Variants in DTL observed in about 807,000 individuals in gnomAD.
DTL encodes denticleless protein homolog.
Under a neutral mutation model 87.0 loss-of-function variants are expected in DTL, and 46 were observed. The observed-to-expected ratio is 0.53, with a 90% CI of 0.42 to 0.68. The LOEUF is 0.68. Among genes scored for constraint, DTL ranks in the 30% least tolerant of loss-of-function variants. The probability of loss-of-function intolerance (pLI) is 0.00; values close to 1 mark genes in which losing one functional copy is unlikely to be tolerated. For missense variants in DTL, 737 were observed against 869.4 expected, an observed-to-expected ratio of 0.85 and a Z score of 1.91; for synonymous variants, 308 against 311.2, an observed-to-expected ratio of 0.99 and a Z score of 0.11.
At chr1:212,088,522 C>G (rs1030433939) in intron 13 of DTL, among the ~76,000 whole-genome samples, 1 of 152,184 alleles carries the variant, frequency 6.6e-6, no homozygotes, top group Non-Finnish European at 1.5e-5. Context: ...CCTACTTCCC[C>G]TGTGAGAGGA....
chr1:212,047,167 G>T lies in DTL; in HGVS notation c.294G>T (p.Trp98Cys). The T allele has an allele frequency of 6.2e-7, 1 of 1,614,148 alleles. No homozygotes were observed. The change falls in exon 4 of 15, where the codon TGG becomes TGT. Residue 98 changes from tryptophan (W) to cysteine (C), a missense_variant. Coordinates refer to ENST00000366991, the MANE Select transcript of DTL (RefSeq NM_016448.4). ...TTTGTTTAGAATGGATGGCTCACTG[G>T]AATGCCGTCTTTGACCTGGCCTGGG... ...KKCFKEWMAH[W>C]NAVFDLAWVP...
intron 5 of DTL, among the ~76,000 whole-genome samples, chr1:212,058,767 A>T (rs1362779850): frequency 6.6e-6 from 1 of 152,056 alleles, no homozygotes; most frequent in East Asian, 1.9e-4. Flanking sequence ...TTTGGAAAAG[A>T]TAAACAAAAT....
chr1:212,036,105 C>G (rs1667445515), intron 1 of DTL, among the ~76,000 whole-genome samples, 163 bp downstream of exon 1: 1 of 152,160 alleles, frequency 6.6e-6, no homozygotes, highest in South Asian at 2.1e-4. Context: ...GAAAGCTGTA[C>G]TTTCATCCCC....
intron 5 of DTL, chr1:212,051,486 T>TTTC (rs1667977581): frequency 4.0e-6 from 1 of 250,206 alleles, no homozygotes; most frequent in Non-Finnish European, 7.2e-6. Flanking sequence ...TTTTTTTTTT[T>TTTC]AGCCCAGAGG....
At chr1:212,063,342 G>A (rs1203655256) in intron 6 of DTL, among the ~76,000 whole-genome samples, 1 of 148,914 alleles carries the variant, frequency 6.7e-6, no homozygotes, top group Admixed American at 6.7e-5. Flanking sequence ...AGGCTGGAGT[G>A]CAGTGGCGTG....
chr1:212,100,103 A>C (rs1029607212), intron 13 of DTL, 149 bp from the exon 14 acceptor site: 30 of 509,492 alleles, frequency 5.9e-5, no homozygotes, highest in Non-Finnish European at 9.4e-5. Context: ...AAATGATAAA[A>C]GGGTGTGGTT....
intron 5 of DTL, among the ~76,000 whole-genome samples, chr1:212,061,724 T>C (rs949507692): frequency 2.6e-5 from 4 of 152,226 alleles, no homozygotes; most frequent in Non-Finnish European, 5.9e-5. Flanking sequence ...GAAATGTCAT[T>C]CACATCAACA....
intron 5 of DTL, 45 bp from the exon 6 acceptor site, chr1:212,062,839 G>T: frequency 1.3e-6 from 2 of 1,488,930 alleles, no homozygotes; most frequent in South Asian, 1.1e-5. Flanking sequence ...ATGTGTCATT[G>T]ACTGGTTTTG....
intron 12 of DTL, among the ~76,000 whole-genome samples, chr1:212,078,651 A>G (rs915992927): frequency 2.0e-5 from 3 of 152,152 alleles, no homozygotes; most frequent in African/African-American, 4.8e-5. Context: ...TGACAGCCCA[A>G]TTTGGGTTTT....
chr1:212,054,414 A>G (rs914100724), intron 5 of DTL, among the ~76,000 whole-genome samples: 6 of 151,872 alleles, frequency 4.0e-5, no homozygotes, highest in African/African-American at 1.5e-4. Flanking sequence ...ACACAAAAAA[A>G]AAAAAAACAC....
intron 10 of DTL, among the ~76,000 whole-genome samples, chr1:212,071,276 G>A (rs1654661586): frequency 2.0e-5 from 3 of 152,106 alleles, no homozygotes; most frequent in African/African-American, 2.4e-5. Context: ...CCTGCCTAAA[G>A]GTATCCTTAA....
chr1:212,094,277 A>G (rs1361011590), intron 13 of DTL, among the ~76,000 whole-genome samples: 2 of 152,102 alleles, frequency 1.3e-5, no homozygotes, highest in Non-Finnish European at 2.9e-5. Context: ...TGATTTTTGT[A>G]TAAGGTGAGA....
intron 1 of DTL, among the ~76,000 whole-genome samples, chr1:212,039,964 C>T (rs1311175031): frequency 6.6e-6 from 1 of 152,156 alleles, no homozygotes; most frequent in Admixed American, 6.5e-5. Flanking sequence ...ACTTTATAAA[C>T]ACTCTATACT....
At chr1:212,047,115 T>G in intron 3 of DTL, 36 bp from the exon 4 acceptor site, 9 of 1,592,930 alleles carry the variant, frequency 5.6e-6, no homozygotes, top group Non-Finnish European at 7.8e-6. Context: ...CAGAATACAA[T>G]TTAGACATTT....
intron 5 of DTL, among the ~76,000 whole-genome samples, chr1:212,059,779 C>CAAAAAAAAAAAAAA (rs58890148): frequency 1.4e-4 from 11 of 80,218 alleles, no homozygotes; most frequent in Non-Finnish European, 2.0e-4. Context: ...AAAGACTCTA[C>CAAAAAAAAAAAAAA]AAAAAAAAAA....
intron 5 of DTL, among the ~76,000 whole-genome samples, chr1:212,050,778 T>C (rs1667947819): frequency 6.6e-6 from 1 of 152,194 alleles, no homozygotes; most frequent in South Asian, 2.1e-4. Flanking sequence ...TTTTAGTTGT[T>C]ACTGTTTCAT....
rs865964377 is a variant in DTL at position 212,047,172 on chromosome 1, C to A, written c.299C>A (p.Ala100Asp). The part of the protein sequence containing the change: ...CFKEWMAHWN[A>D]VFDLAWVPGE... The stretch of plus-strand genomic sequence containing the variant: ...TTAGAATGGATGGCTCACTGGAATG[C>A]CGTCTTTGACCTGGCCTGGGTTCCT... Residue 100 changes from alanine to aspartate, a missense_variant, in exon 4 of 15, where the codon GCC becomes GAC. Physicochemically the swap from Ala to Asp is moderately radical, Grantham distance 126. Transcript: ENST00000366991. 3.7e-6 allele frequency: 6 copies of A among 1,614,038 alleles called. No individual in the cohort carries two copies. The highest frequency in any genetic ancestry group is 5.1e-6 in the Non-Finnish European group (6 of 1,179,984).
At chr1:212,102,649 A>G (rs1002998935) in intron 14 of DTL, among the ~76,000 whole-genome samples, 193 bp from the exon 15 acceptor site, 2 of 152,198 alleles carry the variant, frequency 1.3e-5, no homozygotes, top group Non-Finnish European at 2.9e-5. Flanking sequence ...CTTTCCCTAC[A>G]TATCATCTGT....
chr1:212,037,762 G>A (rs1294582827), intron 1 of DTL, among the ~76,000 whole-genome samples: 5 of 152,134 alleles, frequency 3.3e-5, no homozygotes, highest in African/African-American at 1.2e-4. Flanking sequence ...TCATAGTGGT[G>A]GTGGGCTAAA....
Sources: allele counts gnomAD v4.1 joint callset (sites outside exome capture counted in the v4.1 genomes callset), GRCh38; gene constraint gnomAD v4.1.1; transcripts MANE v1.5; gene names NCBI Gene and HGNC (gene_info 2026-07-23, HGNC 2026-07-21).